The following SEC11A variants were observed in gnomAD, a reference collection of about 807,000 sequenced individuals.
SEC11A encodes the protein signal peptidase complex catalytic subunit SEC11A.
In SEC11A, 14 loss-of-function variants were observed where a neutral mutation model predicts 25.6. The ratio of observed to expected loss-of-function variants is 0.55; its 90% confidence interval spans 0.36 to 0.85. SEC11A has a LOEUF of 0.85. Among genes scored for constraint, SEC11A ranks in the 40% least tolerant of loss-of-function variants. The pLI, the probability that SEC11A is intolerant of heterozygous loss-of-function variation, is 0.01. For synonymous variants in SEC11A, 83 were observed against 76.4 expected (o/e 1.09, Z -0.45); for missense variants, 153 against 222.9 (o/e 0.69, Z 2.00).
Position 84,670,006 on chromosome 15 carries a change from C to T in SEC11A, c.*13G>A. ...AACTATGGCATCTTCCCAGGAACAG[C>T]AAGGCAGGCTTCTTACTCACGATGA... On this transcript the variant is annotated 3_prime_UTR_variant, in exon 6 of 6. Coordinates refer to ENST00000268220, the MANE Select transcript of SEC11A (RefSeq NM_014300.4). 1 of 1,613,596 alleles carries T rather than the reference C, an allele frequency of 6.2e-7. No homozygotes were observed. Among genetic ancestry groups the T allele is most frequent in the Non-Finnish European group, 8.5e-7 (1 of 1,179,706 alleles).
intron 1 of SEC11A, among the ~76,000 whole-genome samples, chr15:84,708,532 T>C (rs980702907): frequency 2.0e-5 from 3 of 152,014 alleles, no homozygotes; most frequent in African/African-American, 7.3e-5. Context: ...TATGTTTCAC[T>C]AGAGCGACAA....
chr15:84,692,605 G>A (rs891165770), intron 1 of SEC11A, among the ~76,000 whole-genome samples: 8 of 152,088 alleles, frequency 5.3e-5, no homozygotes, highest in Non-Finnish European at 1.0e-4. Flanking sequence ...TTCAGAACAC[G>A]TGGAAAAAGG....
chr15:84,680,970 G>A, intron 3 of SEC11A, 138 bp from the exon 4 acceptor site: 1 of 670,766 alleles, frequency 1.5e-6, no homozygotes, highest in African/African-American at 1.8e-5. Flanking sequence ...ATTATTTATG[G>A]AGCTACAAGA....
At chr15:84,673,430 GAA>G (rs1178052868) in intron 4 of SEC11A, 678 of 143,778 alleles carry the variant, frequency 4.7e-3, no homozygotes, top group Middle Eastern at 9.7e-3. Flanking sequence ...TCTGCCTTGG[GAA>G]AAAAAAAAAA....
chr15:84,698,127 AAC>A (rs1338005324), intron 1 of SEC11A, among the ~76,000 whole-genome samples: 8 of 152,306 alleles, frequency 5.3e-5, no homozygotes, highest in Middle Eastern at 3.4e-3. Flanking sequence ...AGAAAAACCT[AAC>A]ACAGAAAATT....
At chr15:84,702,612 T>G in intron 1 of SEC11A, among the ~76,000 whole-genome samples, 1 of 152,112 alleles carries the variant, frequency 6.6e-6, no homozygotes, top group East Asian at 1.9e-4. Flanking sequence ...TTTATAAATA[T>G]ATTTATACCA....
intron 1 of SEC11A, among the ~76,000 whole-genome samples, chr15:84,698,153 G>A (rs1301563677): frequency 6.6e-6 from 1 of 152,046 alleles, no homozygotes; most frequent in East Asian, 1.9e-4. Context: ...CAAGATAAAA[G>A]TTGATAATAA....
rs2141879286 is a variant in SEC11A, at chr15:84,680,764, T to C, written c.380A>G (p.Lys127Arg). The C allele has an allele frequency of 6.2e-7, 1 of 1,612,922 alleles. No individual in the cohort carries two copies. The highest frequency in any genetic ancestry group is 8.5e-7 in the Non-Finnish European group (1 of 1,179,118). The change falls in exon 4 of 6, where the codon AAA becomes AGA. Residue 127 changes from lysine (K) to arginine (R), a missense_variant. Coordinates refer to ENST00000268220, the MANE Select transcript of SEC11A (RefSeq NM_014300.4). ...NNAVDDRGLY[K>R]QGQHWLEKKD... Reference sequence around the variant, plus strand: ...TTTCTCTAGCCAATGTTGTCCTTGTTTATAGAGGCCTCGGTCATCAACCGC... The same window carrying C: ...TTTCTCTAGCCAATGTTGTCCTTGTCTATAGAGGCCTCGGTCATCAACCGC...
At chr15:84,702,601 G>A (rs1047532419) in intron 1 of SEC11A, among the ~76,000 whole-genome samples, 1 of 152,086 alleles carries the variant, frequency 6.6e-6, no homozygotes, top group East Asian at 1.9e-4. Flanking sequence ...ACAGTGCCCA[G>A]TTTATAAATA....
intron 3 of SEC11A, among the ~76,000 whole-genome samples, chr15:84,683,496 T>C (rs933055093): frequency 1.3e-5 from 2 of 152,294 alleles, no homozygotes; most frequent in East Asian, 3.9e-4. Context: ...TGAAAAAGCA[T>C]AGATATTCTT....
chr15:84,701,290 T>C (rs189621743), intron 1 of SEC11A, among the ~76,000 whole-genome samples: 6 of 149,484 alleles, frequency 4.0e-5, no homozygotes, highest in South Asian at 2.1e-4. Context: ...CTGGGCAACA[T>C]AGCAAGACTC....
chr15:84,714,165 G>A (rs189920992), intron 1 of SEC11A, among the ~76,000 whole-genome samples: 1 of 152,146 alleles, frequency 6.6e-6, no homozygotes, highest in Non-Finnish European at 1.5e-5. Flanking sequence ...ACAGGCGTGC[G>A]CCAACAGGCC....
chr15:84,706,228 CA>C, intron 1 of SEC11A, among the ~76,000 whole-genome samples: 1 of 152,060 alleles, frequency 6.6e-6, no homozygotes, highest in East Asian at 1.9e-4. Flanking sequence ...TTTTAATTCA[CA>C]AAGGTTTTAA....
At chr15:84,695,553 C>T (rs1022687291) in intron 1 of SEC11A, among the ~76,000 whole-genome samples, 1 of 152,020 alleles carries the variant, frequency 6.6e-6, no homozygotes, top group Non-Finnish European at 1.5e-5. Flanking sequence ...ATCACTTGAA[C>T]CCAGGACGTA....
chr15:84,697,411 AG>A (rs1897799964), intron 1 of SEC11A, among the ~76,000 whole-genome samples: 1 of 152,216 alleles, frequency 6.6e-6, no homozygotes, highest in Non-Finnish European at 1.5e-5. Context: ...TGTGAAATGT[AG>A]CTAATCATCA....
chr15:84,694,520 T>C (rs1306342521), intron 1 of SEC11A, among the ~76,000 whole-genome samples: 3 of 152,042 alleles, frequency 2.0e-5, no homozygotes, highest in Non-Finnish European at 4.4e-5. Flanking sequence ...TACAAGAATA[T>C]GTAAAAAAAA....
At chr15:84,696,920 T>G (rs1008790333) in intron 1 of SEC11A, among the ~76,000 whole-genome samples, 1 of 151,962 alleles carries the variant, frequency 6.6e-6, no homozygotes, top group Non-Finnish European at 1.5e-5. Flanking sequence ...CAATGGCTTA[T>G]GCCTATAATC....
intron 1 of SEC11A, 24 bp downstream of exon 1, chr15:84,716,001 G>A (rs1898454546): frequency 1.2e-6 from 2 of 1,612,124 alleles, no homozygotes; most frequent in Non-Finnish European, 1.7e-6. Context: ...AGAGCCAGGA[G>A]AAAAAGAGGA....
At chr15:84,673,430 G>GAAA (rs1178052868) in intron 4 of SEC11A, 2,492 of 144,186 alleles carry the variant, frequency 0.017, 37 homozygotes, top group Middle Eastern at 0.038. Context: ...TCTGCCTTGG[G>GAAA]AAAAAAAAAA....
Sources: allele counts gnomAD v4.1 joint callset (sites outside exome capture counted in the v4.1 genomes callset), GRCh38; gene constraint gnomAD v4.1.1; transcripts MANE v1.5; gene names NCBI Gene and HGNC (gene_info 2026-07-23, HGNC 2026-07-21).